Variants in FAM13C observed in about 807,000 individuals in gnomAD.
The protein encoded by FAM13C is family with sequence similarity 13 member C.
FAM13C carries 37 observed loss-of-function variants against 73.2 expected under a neutral mutation model. The ratio of observed to expected loss-of-function variants is 0.51; its 90% CI spans 0.39 to 0.67. FAM13C has a LOEUF of 0.67. FAM13C is among the 30% of genes least tolerant of loss of function. The pLI, the probability that FAM13C is intolerant of heterozygous loss-of-function variation, is 0.00. For missense variants in FAM13C, 589 were observed against 715.6 expected, an observed-to-expected ratio of 0.82 and a Z score of 2.02; for synonymous variants, 246 against 260.9, an observed-to-expected ratio of 0.94 and a Z score of 0.55.
At chr10:59,306,623 C>T (rs545570810) in intron 4 of FAM13C, among the ~76,000 whole-genome samples, 54 of 152,288 alleles carry the variant, frequency 3.5e-4, no homozygotes, top group Non-Finnish European at 6.5e-4. Flanking sequence ...TGCCTGCAAT[C>T]CTAGCATTTA....
chr10:59,340,123 G>T (rs1272810553), intron 3 of FAM13C, among the ~76,000 whole-genome samples: 1 of 152,108 alleles, frequency 6.6e-6, no homozygotes, highest in Non-Finnish European at 1.5e-5. Flanking sequence ...TAAACCCTAG[G>T]TGTGTCATTT....
intron 8 of FAM13C, among the ~76,000 whole-genome samples, chr10:59,268,103 TTTAA>T (rs1843271966): frequency 6.6e-6 from 1 of 152,022 alleles, no homozygotes. Context: ...AAGGAAATAC[TTTAA>T]TGTCAAAGAA....
rs1021937498 is a variant in FAM13C, at chr10:59,246,450, G to A, written c.*1164C>T. 2 of 376,682 alleles carry A rather than the reference G, an allele frequency of 5.3e-6. No individual in the cohort carries two copies. Among genetic ancestry groups the A allele is most frequent in the African/African-American group, 2.1e-5 (1 of 48,184 alleles). The allele number at this position is 376,682 out of a possible 1,614,324, so 23.3% of individuals were successfully genotyped here. A position where few individuals can be genotyped will look rare whatever the true frequency, so the allele number is the denominator to read the frequency against. ...TAGTCTTCCCATCCAAACTATAAGA[G>A]AATGTGAATTTCTTCAACATCATAC... is the stretch of plus-strand genomic sequence containing the variant. On this transcript the variant is annotated 3_prime_UTR_variant, in exon 14 of 14. Coordinates refer to ENST00000618804, the MANE Select transcript of FAM13C (RefSeq NM_198215.4).
intron 5 of FAM13C, among the ~76,000 whole-genome samples, chr10:59,296,726 C>A (rs1296835879): frequency 4.6e-5 from 7 of 152,172 alleles, no homozygotes; most frequent in Non-Finnish European, 8.8e-5. Context: ...TTTGGTAGAA[C>A]CACAGTCAGA....
chr10:59,352,453 G>C lies in FAM13C; in HGVS notation c.141C>G (p.Asn47Lys). 3 of 1,611,254 alleles carry C rather than the reference G, an allele frequency of 1.9e-6. No individual in the cohort carries two copies. In the Admixed American group the frequency reaches 5.0e-5, roughly 27 times the overall value. ...CTACCAGAGCCCCTGCGTCGGGGTA[G>C]TTCTCTTTATTGTTTTCATCTCTAA... is the stretch of plus-strand genomic sequence containing the variant. Reference protein sequence around the residue: ...SSLRDENNKENYPDAGALVEE... With the variant: ...SSLRDENNKEKYPDAGALVEE... Residue 47 changes from asparagine (N) to lysine (K), a missense_variant, in exon 3 of 14, where the codon AAC (asparagine) becomes AAG (lysine). By Grantham distance (94) the Asn-to-Lys change is moderately conservative. Coordinates refer to ENST00000618804, the MANE Select transcript of FAM13C (RefSeq NM_198215.4).
At chr10:59,324,440 TAGA>T (rs1201997871) in intron 3 of FAM13C, among the ~76,000 whole-genome samples, 1 of 152,042 alleles carries the variant, frequency 6.6e-6, no homozygotes, top group Non-Finnish European at 1.5e-5. Flanking sequence ...AGATAATTCA[TAGA>T]AGAATATTTA....
chr10:59,284,815 C>T (rs1845368890), intron 5 of FAM13C, among the ~76,000 whole-genome samples: 1 of 151,510 alleles, frequency 6.6e-6, no homozygotes, highest in Non-Finnish European at 1.5e-5. Context: ...CAGCCTACTC[C>T]ACACATACCC....
At chr10:59,322,078 G>T (rs189899527) in intron 4 of FAM13C, among the ~76,000 whole-genome samples, 2 of 152,112 alleles carry the variant, frequency 1.3e-5, no homozygotes, top group African/African-American at 4.8e-5. Context: ...CTGGCCAGAC[G>T]CCTGCTTAAA....
intron 4 of FAM13C, among the ~76,000 whole-genome samples, chr10:59,318,161 G>A (rs1380551854): frequency 1.3e-5 from 2 of 151,912 alleles, no homozygotes; most frequent in African/African-American, 4.8e-5. Context: ...AGTAGTAGTG[G>A]TAGTAGTAGC....
intron 3 of FAM13C, 69 bp from the exon 4 acceptor site, chr10:59,324,175 G>C: frequency 1.6e-6 from 2 of 1,259,696 alleles, no homozygotes; most frequent in Non-Finnish European, 2.3e-6. Flanking sequence ...TATTATGCTG[G>C]AAGTGGGTCT....
At chr10:59,314,981 T>A (rs994148290) in intron 4 of FAM13C, among the ~76,000 whole-genome samples, 2 of 152,236 alleles carry the variant, frequency 1.3e-5, no homozygotes, top group African/African-American at 4.8e-5. Context: ...AAATTCATTT[T>A]AAGTTTTCCC....
At chr10:59,362,566 C>G (rs777675066), upstream of FAM13C, 3 of 1,547,982 alleles carry the variant, frequency 1.9e-6, no homozygotes, top group Non-Finnish European at 8.7e-7. Context: ...GCCCGGCACG[C>G]TCGCTCTACC....
intron 10 of FAM13C, among the ~76,000 whole-genome samples, chr10:59,259,938 A>T (rs1051301209): frequency 3.9e-5 from 6 of 152,132 alleles, no homozygotes; most frequent in Admixed American, 1.3e-4. Flanking sequence ...AACTGGGACG[A>T]TTGGTCACCC....
At chr10:59,319,899 G>A (rs1849992235) in intron 4 of FAM13C, among the ~76,000 whole-genome samples, 1 of 152,132 alleles carries the variant, frequency 6.6e-6, no homozygotes, top group Non-Finnish European at 1.5e-5. Flanking sequence ...ATATTAAAAT[G>A]AAAACATGTC....
intron 5 of FAM13C, among the ~76,000 whole-genome samples, 172 bp downstream of exon 5, chr10:59,302,629 G>A (rs906257363): frequency 2.0e-5 from 3 of 152,004 alleles, no homozygotes; most frequent in Non-Finnish European, 4.4e-5. Context: ...TGTTTGCTCC[G>A]GAAAAAGGAA....
chr10:59,347,876 A>G (rs543229255), intron 3 of FAM13C, among the ~76,000 whole-genome samples: 1 of 152,266 alleles, frequency 6.6e-6, no homozygotes, highest in Non-Finnish European at 1.5e-5. Flanking sequence ...ATATGGCTGC[A>G]TAGTATTCCA....
At chr10:59,275,717 T>C (rs1052390968) in intron 6 of FAM13C, among the ~76,000 whole-genome samples, 13 of 152,230 alleles carry the variant, frequency 8.5e-5, no homozygotes, top group African/African-American at 3.1e-4. Flanking sequence ...TGATACCACT[T>C]ATTGGCAGTT....
intron 2 of FAM13C, 101 bp from the exon 3 acceptor site, chr10:59,352,575 G>C: frequency 7.6e-7 from 1 of 1,307,376 alleles, no homozygotes; most frequent in South Asian, 1.6e-5. Context: ...TATATTTATA[G>C]GATAGACACC....
intron 2 of FAM13C, among the ~76,000 whole-genome samples, chr10:59,353,086 C>T (rs917875692): frequency 1.3e-5 from 2 of 152,198 alleles, no homozygotes; most frequent in African/African-American, 4.8e-5. Context: ...CTGAACAATG[C>T]CCTGAATGCA....
Sources: gnomAD v4.1 joint callset for allele counts (sites outside exome capture counted in the v4.1 genomes callset) on GRCh38, gnomAD v4.1.1 for gene constraint, MANE v1.5 for transcripts, NCBI Gene and HGNC (gene_info 2026-07-23, HGNC 2026-07-21) for gene names.